The following RAB2A variants were observed in gnomAD, a reference collection of about 807,000 sequenced individuals.
RAB2A encodes the protein RAB2A, member RAS oncogene family.
A neutral mutation model predicts 32.5 loss-of-function variants in RAB2A; 7 were observed. The ratio of observed to expected loss-of-function variants is 0.22; its 90% CI spans 0.12 to 0.40. RAB2A has a LOEUF of 0.40. Among genes scored for constraint, RAB2A ranks in the 10% least tolerant of loss-of-function variants. The pLI is 1.00. For synonymous variants in RAB2A, 79 were observed against 85.2 expected (o/e 0.93, Z 0.40); for missense variants, 108 against 260.7 (o/e 0.41, Z 4.03).
Position 60,517,263 on chromosome 8 carries a change from C to T in RAB2A, c.46+10C>T. ...ATAATCGGCGACACAGGTGAGGGCC[C>T]CGGGCGCGGCCGGGCGGGTGTCGGC... On this transcript the variant is annotated intron_variant, in intron 1 of 7. Transcript: ENST00000262646. The T allele has an allele frequency of 6.7e-7, 1 of 1,481,710 alleles. No homozygotes were observed. Among genetic ancestry groups the T allele is most frequent in the Non-Finnish European group, 9.0e-7 (1 of 1,114,738 alleles). The allele number at this position is 1,481,710 out of a possible 1,614,324, so 91.8% of individuals were successfully genotyped here.
chr8:60,520,565 C>T (rs937472847), intron 1 of RAB2A, among the ~76,000 whole-genome samples: 1 of 152,188 alleles, frequency 6.6e-6, no homozygotes, highest in Non-Finnish European at 1.5e-5. Flanking sequence ...ATATCTGAAG[C>T]ACTCCTTCTT....
At chr8:60,568,318 T>A (rs1808146448) in intron 2 of RAB2A, among the ~76,000 whole-genome samples, 1 of 152,168 alleles carries the variant, frequency 6.6e-6, no homozygotes, top group South Asian at 2.1e-4. Flanking sequence ...CCTCTGCACA[T>A]ATCTGTACCA....
At chr8:60,598,966 A>AAAAAG in intron 6 of RAB2A, among the ~76,000 whole-genome samples, 1 of 123,288 alleles carries the variant, frequency 8.1e-6, no homozygotes, top group Non-Finnish European at 1.7e-5. Flanking sequence ...AAAAAAAAAA[A>AAAAAG]GAAAAGGCAT....
intron 1 of RAB2A, among the ~76,000 whole-genome samples, chr8:60,519,896 T>C (rs1253299709): frequency 6.6e-6 from 1 of 152,178 alleles, no homozygotes; most frequent in African/African-American, 2.4e-5. Flanking sequence ...TTGGGCAAAA[T>C]CCTTTACCAT....
intron 1 of RAB2A, among the ~76,000 whole-genome samples, chr8:60,530,270 C>G (rs752961017): frequency 7.9e-5 from 12 of 151,694 alleles, no homozygotes; most frequent in Non-Finnish European, 1.2e-4. Context: ...CTCAGCCTCT[C>G]AAGTAGCTGG....
At chr8:60,590,605 A>G (rs887654058) in intron 5 of RAB2A, among the ~76,000 whole-genome samples, 1 of 147,492 alleles carries the variant, frequency 6.8e-6, no homozygotes, top group Non-Finnish European at 1.5e-5. Context: ...TATAATACAT[A>G]TATATATAAT....
At chr8:60,615,199 A>G (rs1804428254) in intron 6 of RAB2A, among the ~76,000 whole-genome samples, 1 of 152,206 alleles carries the variant, frequency 6.6e-6, no homozygotes. Flanking sequence ...ATGTAAGCCC[A>G]CCTTACCCTG....
chr8:60,578,741 C>T (rs1202330826), intron 3 of RAB2A, among the ~76,000 whole-genome samples: 1 of 152,154 alleles, frequency 6.6e-6, no homozygotes, highest in East Asian at 1.9e-4. Flanking sequence ...TAGTTGCCAG[C>T]CTGGTTACTA....
At chr8:60,586,460 C>T (rs947249332) in intron 5 of RAB2A, among the ~76,000 whole-genome samples, 2 of 150,774 alleles carry the variant, frequency 1.3e-5, no homozygotes, top group African/African-American at 4.9e-5. Flanking sequence ...AGATACTGAT[C>T]AGGAAAAAGA....
In RAB2A at chr8:60,548,906, G is replaced by T. The variant is rs1289075339; in HGVS notation, c.47-9946G>T. 2.8e-5 allele frequency among the ~76,000 whole-genome samples: 4 copies of T among 143,936 alleles called. No homozygotes were observed. In the East Asian group the frequency reaches 6.5e-4, roughly 23 times the overall value. The allele number at this position is 143,936 out of a possible 152,430, so 94.4% of individuals were successfully genotyped here. ...GACAGGGTGGCTGCCGGGCAGAGGG[G>T]CTCCTCACTTCTCAGACAGGGCAGT... On this transcript the variant is annotated intron_variant, in intron 1 of 7. Coordinates refer to ENST00000262646, the MANE Select transcript of RAB2A (RefSeq NM_002865.3).
intron 1 of RAB2A, among the ~76,000 whole-genome samples, chr8:60,522,391 CCCAAGACTACACACTTAA>C (rs1807314844): frequency 6.6e-6 from 1 of 152,000 alleles, no homozygotes; most frequent in African/African-American, 2.4e-5. Context: ...TAAAAAAAGT[CCCAAGACTACACACTTAA>C]CCGTTACTTC....
At chr8:60,523,464 C>T (rs1366199417) in intron 1 of RAB2A, among the ~76,000 whole-genome samples, 1 of 151,972 alleles carries the variant, frequency 6.6e-6, no homozygotes, top group East Asian at 1.9e-4. Context: ...GCCAAGGACT[C>T]CACATTCTTA....
intron 1 of RAB2A, among the ~76,000 whole-genome samples, chr8:60,520,304 C>T (rs1010253554): frequency 3.3e-5 from 5 of 152,080 alleles, no homozygotes; most frequent in African/African-American, 1.2e-4. Context: ...TAAATTTTTT[C>T]CTTGTTCCTG....
At chr8:60,552,164 A>C (rs1350514232) in intron 1 of RAB2A, among the ~76,000 whole-genome samples, 1 of 151,582 alleles carries the variant, frequency 6.6e-6, no homozygotes, top group African/African-American at 2.4e-5. Context: ...CACCACATCC[A>C]GCTACTTTCT....
intron 5 of RAB2A, among the ~76,000 whole-genome samples, chr8:60,587,521 C>T (rs533573364): frequency 3.9e-5 from 6 of 152,176 alleles, no homozygotes; most frequent in Admixed American, 2.6e-4. Flanking sequence ...TGTTCTTTAA[C>T]TGAATTTAAA....
intron 1 of RAB2A, among the ~76,000 whole-genome samples, chr8:60,517,737 T>C (rs1807231507): frequency 6.6e-6 from 1 of 152,152 alleles, no homozygotes; most frequent in Non-Finnish European, 1.5e-5. Flanking sequence ...GGCAAGGCGC[T>C]TTTTGGCGTG....
rs1240034054 is a variant in RAB2A, at chr8:60,623,431, T to G, written c.*2662T>G. On this transcript the variant is annotated 3_prime_UTR_variant, in exon 8 of 8. Coordinates refer to ENST00000262646, the MANE Select transcript of RAB2A (RefSeq NM_002865.3). ...TTCTGTCATAGATAGTAAAGCCCCA[T>G]CTCAGTTTATTTAGTCCTGAGGTTG... is the stretch of plus-strand genomic sequence containing the variant. 2 of 152,184 alleles carry G rather than the reference T, an allele frequency of 1.3e-5. No individual in the cohort carries two copies. Among genetic ancestry groups the G allele is most frequent in the Non-Finnish European group, 2.9e-5 (2 of 68,026 alleles). 9.4% of individuals were successfully genotyped at this position (152,184 alleles called of 1,614,324 possible).
At chr8:60,618,866 T>G (rs1422300099) in intron 7 of RAB2A, 1 of 163,966 alleles carries the variant, frequency 6.1e-6, no homozygotes, top group Non-Finnish European at 1.4e-5. Context: ...AGAGCAACAC[T>G]TTGTCTATGG....
intron 6 of RAB2A, among the ~76,000 whole-genome samples, chr8:60,600,854 T>C (rs956011981): frequency 6.6e-6 from 1 of 152,250 alleles, no homozygotes; most frequent in Non-Finnish European, 1.5e-5. Flanking sequence ...TGTGTAACTT[T>C]CTTGAAATGA....
Sources: allele counts gnomAD v4.1 joint callset (sites outside exome capture counted in the v4.1 genomes callset), GRCh38; gene constraint gnomAD v4.1.1; transcripts MANE v1.5; gene names NCBI Gene and HGNC (gene_info 2026-07-23, HGNC 2026-07-21).